FAM151B: variants seen among roughly 807,000 people sequenced by gnomAD.
FAM151B encodes the protein protein FAM151B.
A neutral mutation model predicts 31.2 loss-of-function variants in FAM151B; 24 were observed. The ratio of observed to expected loss-of-function variants is 0.77; its 90% confidence interval spans 0.56 to 1.08. The LOEUF is 1.08. Ranked by LOEUF, FAM151B falls within the 50% of genes least tolerant of loss-of-function variation. The pLI, the probability that FAM151B is intolerant of heterozygous loss-of-function variation, is 0.00. For missense variants in FAM151B, 293 were observed against 328.6 expected, an observed-to-expected ratio of 0.89 and a Z score of 0.84; for synonymous variants, 105 against 111.4, an observed-to-expected ratio of 0.94 and a Z score of 0.36.
chr5:80,498,827 A>T (rs1286938886), intron 1 of FAM151B: 3 of 432,162 alleles, frequency 6.9e-6, no homozygotes, highest in Non-Finnish European at 1.3e-5. Flanking sequence ...AGTCAGACAG[A>T]GTACCTCCAT....
intron 5 of FAM151B, among the ~76,000 whole-genome samples, chr5:80,527,576 A>C (rs1745027295): frequency 6.6e-6 from 1 of 152,252 alleles, no homozygotes; most frequent in East Asian, 1.9e-4. Flanking sequence ...TATCATACTG[A>C]ATAATGTAGG....
chr5:80,531,418 G>A (rs559818492), intron 5 of FAM151B, among the ~76,000 whole-genome samples: 34 of 152,302 alleles, frequency 2.2e-4, no homozygotes, highest in Admixed American at 5.9e-4. Flanking sequence ...CTTCTGCACA[G>A]CAAAAGAAAC....
chr5:80,526,345 T>C (rs116759378), intron 5 of FAM151B, among the ~76,000 whole-genome samples: 46 of 151,962 alleles, frequency 3.0e-4, no homozygotes, highest in African/African-American at 1.1e-3. Context: ...CAGTGTCTCA[T>C]GTGTGTAATC....
chr5:80,532,713 C>T (rs1350102182), intron 5 of FAM151B, among the ~76,000 whole-genome samples: 2 of 152,174 alleles, frequency 1.3e-5, no homozygotes, highest in Non-Finnish European at 2.9e-5. Context: ...TTTTTCTCAA[C>T]ACATGGATCA....
chr5:80,530,004 A>G (rs936467303), intron 5 of FAM151B, among the ~76,000 whole-genome samples: 12 of 126,504 alleles, frequency 9.5e-5, no homozygotes, highest in African/African-American at 4.2e-4. Flanking sequence ...CTGGCAAACC[A>G]AATCCAACAG....
At chr5:80,504,514 CTTTTTTTTT>C (rs11340979) in intron 2 of FAM151B, among the ~76,000 whole-genome samples, 1 of 58,716 alleles carries the variant, frequency 1.7e-5, no homozygotes, top group African/African-American at 6.8e-5. Context: ...GACTATTACT[CTTTTTTTTT>C]TTTTTTTTTT....
chr5:80,514,250 G>A (rs955599587), intron 3 of FAM151B, among the ~76,000 whole-genome samples: 2 of 151,956 alleles, frequency 1.3e-5, no homozygotes, highest in Non-Finnish European at 2.9e-5. Flanking sequence ...TGAGGTGGGC[G>A]AATCAACCGA....
At chr5:80,497,908 G>A (rs932579821) in intron 1 of FAM151B, among the ~76,000 whole-genome samples, 3 of 151,940 alleles carry the variant, frequency 2.0e-5, no homozygotes, top group Non-Finnish European at 2.9e-5. Flanking sequence ...AAACCTGCAC[G>A]TTGTGCACAT....
chr5:80,527,360 T>C (rs1390353411), intron 5 of FAM151B, among the ~76,000 whole-genome samples: 1 of 151,844 alleles, frequency 6.6e-6, no homozygotes, highest in Admixed American at 6.6e-5. Flanking sequence ...AAGGCAGAAG[T>C]TGTAGTGAGC....
intron 3 of FAM151B, among the ~76,000 whole-genome samples, chr5:80,515,170 G>A (rs1744371755): frequency 6.6e-6 from 1 of 152,052 alleles, no homozygotes; most frequent in Admixed American, 6.6e-5. Context: ...AACCCAGGAG[G>A]TGGAGGTTGC....
intron 3 of FAM151B, among the ~76,000 whole-genome samples, chr5:80,516,620 G>A (rs920828900): frequency 5.9e-5 from 9 of 152,176 alleles, no homozygotes; most frequent in Non-Finnish European, 1.2e-4. Context: ...GCAATTTTCA[G>A]TAGTAGTCTC....
At chr5:80,531,102 T>A (rs1745223566) in intron 5 of FAM151B, among the ~76,000 whole-genome samples, 1 of 152,152 alleles carries the variant, frequency 6.6e-6, no homozygotes, top group Non-Finnish European at 1.5e-5. Flanking sequence ...AACCATCTGA[T>A]CTTTGACAAA....
At chr5:80,503,607 G>A (rs1304551433) in intron 2 of FAM151B, among the ~76,000 whole-genome samples, 2 of 151,758 alleles carry the variant, frequency 1.3e-5, no homozygotes, top group Non-Finnish European at 2.9e-5. Flanking sequence ...GAAAATCTCA[G>A]GATTCAAGGT....
rs187748310 is a variant in FAM151B at position 80,542,441 on chromosome 5, T to C, written c.*609T>C. Reference sequence around the variant, plus strand: ...TCTTATTTCTATAGTATCTGATTTATAGTGGACAATATACTGTTGGAGAGC... The same window carrying C: ...TCTTATTTCTATAGTATCTGATTTACAGTGGACAATATACTGTTGGAGAGC... On this transcript the variant is annotated 3_prime_UTR_variant, in exon 6 of 6. Transcript: ENST00000282226. 6.6e-6 allele frequency: 1 copy of C among 152,220 alleles called. No homozygotes were observed. Among genetic ancestry groups the C allele is most frequent in the Non-Finnish European group, 1.5e-5 (1 of 68,100 alleles). 9.4% of individuals were successfully genotyped at this position (152,220 alleles called of 1,614,324 possible).
At chr5:80,501,677 T>C in intron 1 of FAM151B, 115 bp from the exon 2 acceptor site, 1 of 658,386 alleles carries the variant, frequency 1.5e-6, no homozygotes. Flanking sequence ...TCTATCTATA[T>C]ATATATATCA....
intron 2 of FAM151B, among the ~76,000 whole-genome samples, chr5:80,511,575 C>T (rs953593051): frequency 6.7e-5 from 10 of 150,066 alleles, no homozygotes; most frequent in African/African-American, 2.0e-4. Flanking sequence ...GCTTCTTTTT[C>T]GTTTTTGCCC....
At chr5:80,505,847 CCTGTATTCACGTGATT>C (rs1743937905) in intron 2 of FAM151B, 1 of 149,566 alleles carries the variant, frequency 6.7e-6, no homozygotes, top group South Asian at 2.1e-4. Flanking sequence ...ACCTCTGCCT[CCTGTATTCACGTGATT>C]CTCCTGCTTC....
At chr5:80,503,981 G>T (rs538623377) in intron 2 of FAM151B, among the ~76,000 whole-genome samples, 1 of 152,204 alleles carries the variant, frequency 6.6e-6, no homozygotes, top group Non-Finnish European at 1.5e-5. Context: ...TAGGGAGAGG[G>T]GCTGGGCAGC....
intron 2 of FAM151B, 62 bp from the exon 3 acceptor site, chr5:80,513,542 T>C: frequency 2.0e-6 from 3 of 1,465,602 alleles, no homozygotes; most frequent in Non-Finnish European, 2.8e-6. Flanking sequence ...CTGAACATGG[T>C]GCCTCCTGTA....
Sources: allele counts gnomAD v4.1 joint callset (sites outside exome capture counted in the v4.1 genomes callset), GRCh38; gene constraint gnomAD v4.1.1; transcripts MANE v1.5; gene names NCBI Gene and HGNC (gene_info 2026-07-23, HGNC 2026-07-21).